Variants in VCL observed in about 807,000 individuals in gnomAD.
The protein encoded by VCL is epididymis luminal protein 114.
Under a neutral mutation model 125.7 loss-of-function variants are expected in VCL, and 47 were observed. That is an observed-to-expected ratio of 0.37 (90% CI 0.30 to 0.48). The LOEUF (loss-of-function observed/expected upper bound fraction) is 0.48. VCL is among the 20% of genes least tolerant of loss of function. VCL has a pLI of 0.99. For synonymous variants in VCL, 458 were observed against 514.6 expected (o/e 0.89, Z 1.49); for missense variants, 1,069 against 1,455.5 (o/e 0.73, Z 4.32).
chr10:74,100,929 T>C lies in VCL; in HGVS notation c.1873-19T>C, dbSNP rs1194552819. On this transcript the variant is annotated intron_variant, in intron 13 of 21. Transcript: ENST00000211998. ...ATTTTATTGAAATAAATGTTCTTAA[T>C]ATCTGTTTTTTCCTCAAGGTATTTG... 6.2e-7 allele frequency: 1 copy of C among 1,613,706 alleles called. No homozygotes were observed. The highest frequency in any genetic ancestry group is 1.1e-5 in the South Asian group (1 of 91,050).
intron 6 of VCL, among the ~76,000 whole-genome samples, chr10:74,082,154 G>A (rs370885316): frequency 1.2e-4 from 18 of 152,278 alleles, no homozygotes; most frequent in Admixed American, 3.3e-4. Context: ...GCTTTTTCCT[G>A]CTGAAGACAT....
chr10:74,078,418 A>C (rs1839628043), intron 6 of VCL, among the ~76,000 whole-genome samples: 1 of 149,612 alleles, frequency 6.7e-6, no homozygotes, highest in Non-Finnish European at 1.5e-5. Flanking sequence ...TTGATTTGTT[A>C]AATTAAAAAA....
intron 20 of VCL, 139 bp from the exon 21 acceptor site, chr10:74,114,656 A>C (rs1436564542): frequency 2.2e-5 from 22 of 1,000,736 alleles, no homozygotes; most frequent in Non-Finnish European, 3.2e-5. Context: ...GGGAAAAAAC[A>C]AGTGGAATTC....
chr10:74,038,492 C>T (rs1276647389), intron 1 of VCL, among the ~76,000 whole-genome samples: 4 of 152,186 alleles, frequency 2.6e-5, no homozygotes, highest in Non-Finnish European at 5.9e-5. Flanking sequence ...AAAAACAGTG[C>T]CGTTCGTTGT....
chr10:74,110,034 A>G (rs1393733851), intron 18 of VCL, among the ~76,000 whole-genome samples: 1 of 151,784 alleles, frequency 6.6e-6, no homozygotes, highest in Non-Finnish European at 1.5e-5. Context: ...CTGATCTTGG[A>G]TTTTTTTCAG....
chr10:74,089,978 G>A (rs980213283), intron 9 of VCL, 45 bp from the exon 10 acceptor site: 28 of 1,611,732 alleles, frequency 1.7e-5, no homozygotes, highest in Non-Finnish European at 2.1e-5. Context: ...AGAAAGGAGT[G>A]TGTGAGTAGA....
At chr10:74,033,665 T>C (rs1484122072) in intron 1 of VCL, among the ~76,000 whole-genome samples, 1 of 152,236 alleles carries the variant, frequency 6.6e-6, no homozygotes, top group African/African-American at 2.4e-5. Context: ...TCATTATCCA[T>C]GGCTTTTAGA....
chr10:73,999,569 G>A (rs1478379770), intron 1 of VCL, among the ~76,000 whole-genome samples: 1 of 152,110 alleles, frequency 6.6e-6, no homozygotes, highest in East Asian at 1.9e-4. Flanking sequence ...TGTGTGTCAG[G>A]GCAGTTGGGC....
At chr10:74,007,798 A>C (rs529411720) in intron 1 of VCL, among the ~76,000 whole-genome samples, 1 of 151,510 alleles carries the variant, frequency 6.6e-6, no homozygotes, top group South Asian at 2.1e-4. Flanking sequence ...GCTCAGCCTA[A>C]ATTTTTTTTT....
intron 8 of VCL, among the ~76,000 whole-genome samples, chr10:74,088,836 C>T (rs1839829872): frequency 6.6e-6 from 1 of 152,180 alleles, no homozygotes; most frequent in South Asian, 2.1e-4. Flanking sequence ...TTCAGAAGCA[C>T]ACATTACTAT....
At chr10:74,063,597 T>C (rs2136267303) in intron 2 of VCL, 2 of 152,300 alleles carry the variant, frequency 1.3e-5, no homozygotes, top group Middle Eastern at 6.8e-3. Flanking sequence ...ACTGTCAACT[T>C]AGAATTCTGT....
rs1453463505 is a variant in VCL at position 74,118,790 on chromosome 10, C to T, written c.*621C>T. ...ATTTCCTGCCCTTCCTCAGTTTAAT[C>T]CTTCTAGTTTCCCACAATATAAAAC... On this transcript the variant is annotated 3_prime_UTR_variant, in exon 22 of 22. Coordinates refer to ENST00000211998, the MANE Select transcript of VCL (RefSeq NM_014000.3). 6.1e-6 allele frequency: 1 copy of T among 163,098 alleles called. No individual in the cohort carries two copies. Among genetic ancestry groups the T allele is most frequent in the East Asian group, 1.7e-4 (1 of 5,884 alleles). The allele number at this position is 163,098 out of a possible 1,614,324, so 10.1% of individuals were successfully genotyped here.
chr10:74,082,419 G>A (rs1338990742), intron 6 of VCL, 35 bp from the exon 7 acceptor site: 2 of 1,611,156 alleles, frequency 1.2e-6, no homozygotes, highest in Non-Finnish European at 8.5e-7. Context: ...CTCAACTTTT[G>A]CAAAGAAAAT....
At chr10:74,006,469 A>C (rs1480423989) in intron 1 of VCL, among the ~76,000 whole-genome samples, 3 of 152,252 alleles carry the variant, frequency 2.0e-5, no homozygotes, top group African/African-American at 7.2e-5. Context: ...TAAGGACAAC[A>C]GTAGGACAAA....
intron 1 of VCL, among the ~76,000 whole-genome samples, chr10:74,005,722 AAAG>A (rs1565630985): frequency 1.3e-5 from 2 of 152,200 alleles, no homozygotes; most frequent in Non-Finnish European, 2.9e-5. Context: ...TTACTTACAT[AAAG>A]TGGCATGGTA....
At chr10:74,099,296 T>C (rs933322828) in intron 13 of VCL, among the ~76,000 whole-genome samples, 24 of 152,196 alleles carry the variant, frequency 1.6e-4, no homozygotes, top group Non-Finnish European at 1.2e-4. Context: ...CTATACCTAG[T>C]TGCTTGTGGT....
chr10:74,020,105 G>A (rs1347192110), intron 1 of VCL, among the ~76,000 whole-genome samples: 1 of 151,970 alleles, frequency 6.6e-6, no homozygotes, highest in Non-Finnish European at 1.5e-5. Context: ...ATTTTCAGGG[G>A]AGCACTATGT....
Position 74,087,361 on chromosome 10 carries a change from T to C in VCL, c.1023-1835T>C, listed in dbSNP as rs539885939. ...TTTCTTTTTTTTTTTTTTTTCTTTT[T>C]TTGAGACGGAGTCTCGCTCTGTCGC... On this transcript the variant is annotated intron_variant, in intron 8 of 21. Transcript: ENST00000211998. 2.7e-5 allele frequency among the ~76,000 whole-genome samples: 4 copies of C among 147,498 alleles called. No individual in the cohort carries two copies. In the East Asian group the frequency reaches 7.8e-4, roughly 29 times the overall value.
rs374309823 is a variant in VCL at position 74,097,321 on chromosome 10, A to G, written c.1861A>G (p.Asn621Asp). The change falls in exon 13 of 22, where the codon AAC becomes GAC. Residue 621 changes from asparagine (N) to aspartate (D), a missense_variant. Asn to Asp is a conservative substitution (Grantham distance 23, BLOSUM62 1). This residue lies in a region of VCL where 760 missense variants were observed against 928.9 expected (regional missense o/e 0.82). Coordinates refer to ENST00000211998, the MANE Select transcript of VCL (RefSeq NM_014000.3). This position sits in a 1 kb window ranked among gnomAD's most constrained non-coding sequence, Gnocchi z 4.1. The part of the protein sequence containing the change: ...VAATAPPDAP[N>D]REEVFDERAA... Reference sequence around the variant, plus strand: ...AGCCACGGCGCCTCCTGATGCGCCTAACAGGGAAGAGGTGGGTATCTGAGG... The same window carrying G: ...AGCCACGGCGCCTCCTGATGCGCCTGACAGGGAAGAGGTGGGTATCTGAGG... 2 of 1,613,344 alleles carry G rather than the reference A, an allele frequency of 1.2e-6. No individual in the cohort carries two copies. Among genetic ancestry groups the G allele is most frequent in the African/African-American group, 1.3e-5 (1 of 74,922 alleles).
Sources: allele counts gnomAD v4.1 joint callset (sites outside exome capture counted in the v4.1 genomes callset), GRCh38; gene constraint gnomAD v4.1.1; regional missense constraint gnomAD v4.1.1; non-coding constraint Gnocchi (gnomAD v3.1); transcripts MANE v1.5; gene names NCBI Gene and HGNC (gene_info 2026-07-23, HGNC 2026-07-21).